The following COL21A1 variants were observed in gnomAD, a reference collection of about 807,000 sequenced individuals.
The protein encoded by COL21A1 is collagen type XXI alpha 1 chain.
In COL21A1, 149 loss-of-function variants were observed where a neutral mutation model predicts 137.9. The ratio of observed to expected loss-of-function variants is 1.08; its 90% CI spans 0.95 to 1.24. COL21A1 has a LOEUF of 1.24. COL21A1 is among the 50% of genes most tolerant of loss of function. The pLI is 0.00. For missense variants in COL21A1, 1,167 were observed against 1,158.4 expected (o/e 1.01, Z -0.11); for synonymous variants, 456 against 391.5 (o/e 1.16, Z -1.95).
intron 10 of COL21A1, among the ~76,000 whole-genome samples, chr6:56,145,222 G>C (rs1774743670): frequency 6.6e-6 from 1 of 152,040 alleles, no homozygotes; most frequent in Non-Finnish European, 1.5e-5. Context: ...GGCTCTCTTT[G>C]TTATATCTTT....
chr6:56,210,707 G>C (rs1042347590), intron 1 of COL21A1, among the ~76,000 whole-genome samples: 3 of 152,096 alleles, frequency 2.0e-5, no homozygotes, highest in Non-Finnish European at 4.4e-5. Context: ...CCAATAAAAA[G>C]TAAAACTTGA....
intron 1 of COL21A1, among the ~76,000 whole-genome samples, chr6:56,275,599 A>C (rs1384916857): frequency 6.6e-6 from 1 of 152,240 alleles, no homozygotes; most frequent in East Asian, 1.9e-4. Flanking sequence ...TAAGCAGCCA[A>C]GAACCATATG....
rs1054410165 is a variant in COL21A1 at position 56,120,560 on chromosome 6, G to A, written c.1758+3502C>T. ...CCTGTAATCCCAGAACTTTTGGGAGGCCAAGGAGGGTGGATCGCCTGAGGT... is the reference window on the plus strand; with the variant it reads ...CCTGTAATCCCAGAACTTTTGGGAGACCAAGGAGGGTGGATCGCCTGAGGT... On this transcript the variant is annotated intron_variant, in intron 16 of 29. Transcript: ENST00000244728. Among the ~76,000 whole-genome samples the A allele has an allele frequency of 3.3e-5, 5 of 152,280 alleles. No individual in the cohort carries two copies. In the Middle Eastern group the frequency reaches 0.01, roughly 311 times the overall value.
chr6:56,217,620 C>A (rs1261004409), intron 1 of COL21A1, among the ~76,000 whole-genome samples: 1 of 152,008 alleles, frequency 6.6e-6, no homozygotes, highest in East Asian at 1.9e-4. Flanking sequence ...TAATGACAGA[C>A]CAATATCAGA....
chr6:56,280,792 T>C (rs941557284), intron 1 of COL21A1, among the ~76,000 whole-genome samples: 8 of 151,982 alleles, frequency 5.3e-5, no homozygotes, highest in Non-Finnish European at 1.0e-4. Flanking sequence ...GTGGGTGGAT[T>C]ATTGAGCCAG....
chr6:56,146,334 T>C (rs565952983), intron 10 of COL21A1, among the ~76,000 whole-genome samples: 1 of 152,184 alleles, frequency 6.6e-6, no homozygotes, highest in Admixed American at 6.5e-5. Context: ...GTATTTTTAA[T>C]GTCCACTGTG....
At chr6:56,260,649 AAGGAAGGAAT>A (rs1763237942) in intron 1 of COL21A1, among the ~76,000 whole-genome samples, 2 of 43,378 alleles carry the variant, frequency 4.6e-5, no homozygotes, top group Non-Finnish European at 1.2e-4. Flanking sequence ...GGAAGGAAGG[AAGGAAGGAAT>A]GAAGGAAGGA....
chr6:56,208,735 G>A (rs1779961715), intron 1 of COL21A1, among the ~76,000 whole-genome samples: 1 of 152,098 alleles, frequency 6.6e-6, no homozygotes, highest in Non-Finnish European at 1.5e-5. Context: ...TAGGTAAAAA[G>A]AACAAAGCTG....
intron 1 of COL21A1, among the ~76,000 whole-genome samples, chr6:56,239,096 T>A (rs1049479801): frequency 1.3e-5 from 2 of 152,306 alleles, no homozygotes; most frequent in Non-Finnish European, 1.5e-5. Context: ...TAGCTATTAC[T>A]CTATATGGCC....
intron 1 of COL21A1, among the ~76,000 whole-genome samples, chr6:56,260,647 GGAAGGAAGGAAT>G (rs767697563): frequency 0.18 from 10,485 of 58,406 alleles, 809 homozygotes; most frequent in African/African-American, 0.29. Context: ...AAGGAAGGAA[GGAAGGAAGGAAT>G]GAAGGAAGGA....
At chr6:56,377,798 C>A (rs2094002058) in intron 1 of COL21A1, among the ~76,000 whole-genome samples, 1 of 118,128 alleles carries the variant, frequency 8.5e-6, no homozygotes, top group African/African-American at 4.0e-5. Flanking sequence ...CAGTTTGCAG[C>A]TCCAAAAGAG....
chr6:56,138,317 T>G (rs1333359332), intron 12 of COL21A1, among the ~76,000 whole-genome samples: 1 of 149,292 alleles, frequency 6.7e-6, no homozygotes, highest in Non-Finnish European at 1.5e-5. Flanking sequence ...ATAAAATATA[T>G]GCATATATAT....
At chr6:56,293,782 T>G (rs1455001501) in intron 1 of COL21A1, among the ~76,000 whole-genome samples, 3 of 152,178 alleles carry the variant, frequency 2.0e-5, no homozygotes, top group Non-Finnish European at 4.4e-5. Flanking sequence ...TGATTTGGAT[T>G]TTGAAATTTA....
At chr6:56,219,218 A>AAG (rs1202435466) in intron 1 of COL21A1, among the ~76,000 whole-genome samples, 1 of 146,030 alleles carries the variant, frequency 6.8e-6, no homozygotes, top group Non-Finnish European at 1.5e-5. Context: ...ACTTGCACCA[A>AAG]AAAAAAAAAA....
chr6:56,362,092 C>G (rs11757910), intron 1 of COL21A1, among the ~76,000 whole-genome samples: 31,778 of 152,136 alleles, frequency 0.21, 3,899 homozygotes, highest in Middle Eastern at 0.33. Flanking sequence ...ACCCGTCCAC[C>G]ATCTCCTACT....
chr6:56,206,693 AATAAATATATATATAT>A lies in COL21A1; in HGVS notation c.-38-24053_-38-24038del, dbSNP rs1211540345. On this transcript the variant is annotated intron_variant, in intron 1 of 29. Coordinates refer to ENST00000244728, the MANE Select transcript of COL21A1 (RefSeq NM_030820.4). Reference sequence around the variant, plus strand: ...CCCAATTCAACAAAATAAATAAATAAATAAATATATATATATATATATATATATATATATATATATA... The same window carrying A: ...CCCAATTCAACAAAATAAATAAATAAATATATATATATATATATATATATA... Among the ~76,000 whole-genome samples the A allele has an allele frequency of 2.0e-3, 252 of 127,924 alleles. 2 individuals carry two copies. Among genetic ancestry groups the A allele is most frequent in the African/African-American group, 6.2e-3 (228 of 36,936 alleles). The allele number at this position is 127,924 out of a possible 152,430, so 83.9% of individuals were successfully genotyped here. A position where few individuals can be genotyped will look rare whatever the true frequency, so the allele number is the denominator to read the frequency against.
chr6:56,253,517 A>C lies in COL21A1; in HGVS notation c.-38-70861T>G, dbSNP rs191858044. The stretch of plus-strand genomic sequence containing the variant: ...GAATGAAGCCAACACAGAGAAAAGT[A>C]GAACTCCAGAAAGACAGAAAACAAG... On this transcript the variant is annotated intron_variant, in intron 1 of 28. Coordinates refer to the COL21A1 transcript ENST00000370819. 1.4e-4 allele frequency among the ~76,000 whole-genome samples: 22 copies of C among 152,346 alleles called. No individual in the cohort carries two copies. The East Asian group carries it at 4.2e-3, about 29-fold the overall frequency.
chr6:56,109,377 T>C (rs1771220951), intron 16 of COL21A1, among the ~76,000 whole-genome samples: 1 of 151,758 alleles, frequency 6.6e-6, no homozygotes, highest in African/African-American at 2.4e-5. Context: ...AGAATAATCA[T>C]TAAAACAGAG....
At chr6:56,174,419 C>A (rs1029620007) in intron 3 of COL21A1, among the ~76,000 whole-genome samples, 1 of 151,774 alleles carries the variant, frequency 6.6e-6, no homozygotes. Flanking sequence ...ATTGACAAAC[C>A]TTTAACTAAA....
Sources: gnomAD v4.1 joint callset for allele counts (sites outside exome capture counted in the v4.1 genomes callset) on GRCh38, gnomAD v4.1.1 for gene constraint, MANE v1.5 for transcripts, NCBI Gene and HGNC (gene_info 2026-07-23, HGNC 2026-07-21) for gene names.